The following HUWE1 variants were observed in gnomAD, a reference collection of about 807,000 sequenced individuals.
The protein encoded by HUWE1 is HECT, UBA and WWE domain containing E3 ubiquitin protein ligase 1, also known as E3 ubiquitin-protein ligase HUWE1.
In HUWE1, 18 loss-of-function variants were observed where a neutral mutation model predicts 299.4. The observed-to-expected ratio is 0.06, with a 90% CI of 0.04 to 0.09. The LOEUF is 0.09. HUWE1 is among the 10% of genes least tolerant of loss of function. HUWE1 has a pLI of 1.00. For synonymous variants in HUWE1, 1,317 were observed against 1,286.1 expected, an observed-to-expected ratio of 1.02 and a Z score of -0.51; for missense variants, 1,832 against 3,462.3, an observed-to-expected ratio of 0.53 and a Z score of 11.82.
intron 40 of HUWE1, among the ~76,000 whole-genome samples, chrX:53,584,555 A>G (rs2063770072): frequency 1.8e-5 from 2 of 111,530 alleles, no homozygotes; most frequent in Non-Finnish European, 3.8e-5. Flanking sequence ...AGACCTTCCA[A>G]CAGAGCAAAT....
chrX:53,539,825 C>T lies in HUWE1; in HGVS notation c.11477-13G>A. 8.3e-7 allele frequency: 1 copy of T among 1,201,880 alleles called. No individual in the cohort carries two copies. The highest frequency in any genetic ancestry group is 1.8e-5 in the South Asian group (1 of 55,581). Reference sequence around the variant, plus strand: ...GTTCCATCGGAGGCTGGAGGGCACACAGAAGAGAGTCAGAAAGTCTTCAAA... The same window carrying T: ...GTTCCATCGGAGGCTGGAGGGCACATAGAAGAGAGTCAGAAAGTCTTCAAA... On this transcript the variant is annotated splice_polypyrimidine_tract_variant and intron_variant, in intron 74 of 83. Transcript: ENST00000262854.
At position 53,614,631 on chromosome X, in the gene HUWE1, C is replaced by T. The variant is rs782587959; in HGVS notation, c.2164G>A (p.Ala722Thr). The change falls in exon 23 of 84, where the codon GCA (alanine) becomes ACA (threonine). Residue 722 changes from alanine (A) to threonine (T), a missense_variant. Transcript: ENST00000262854. ...TCATCCTCACTAGAGGCTTCTTCTG[C>T]GGCATGATTAGACCTTGGGGGAGGA... is the stretch of plus-strand genomic sequence containing the variant. ...TAPPPRSNHAAEEASSEDEEE... is the reference protein window; with the variant it reads ...TAPPPRSNHATEEASSEDEEE... The T allele has an allele frequency of 1.7e-6, 2 of 1,208,510 alleles. No homozygotes were observed. The highest frequency in any genetic ancestry group is 1.8e-5 in the South Asian group (1 of 56,881).
At chrX:53,656,404 T>C (rs139113402) in intron 3 of HUWE1, among the ~76,000 whole-genome samples, 1 of 105,221 alleles carries the variant, frequency 9.5e-6, no homozygotes, top group African/African-American at 3.5e-5. Flanking sequence ...TAGCCAGGCG[T>C]GGTGGCGAGC....
In HUWE1 at chrX:53,549,254, G is replaced by T; in HGVS notation, c.9740C>A (p.Thr3247Lys). 8.3e-7 allele frequency: 1 copy of T among 1,211,687 alleles called. No homozygotes were observed. Among genetic ancestry groups the T allele is most frequent in the Non-Finnish European group, 1.1e-6 (1 of 895,422 alleles). ...CGACTTTTTGCCCTTTTCCTCACTTGTAGTGAGTTTGGGTGTTTCAATGCA... is the reference window on the plus strand; with the variant it reads ...CGACTTTTTGCCCTTTTCCTCACTTTTAGTGAGTTTGGGTGTTTCAATGCA... ...ELCIETPKLT[T>K]SEEKGKKSSK... Residue 3247 changes from threonine (T) to lysine (K), a missense_variant, in exon 67 of 84, where the codon ACA becomes AAA. By Grantham distance (78) the Thr-to-Lys change is moderately conservative. This residue lies in a region of HUWE1 where 80 missense variants were observed against 142.1 expected (regional missense o/e 0.56). Transcript: ENST00000262854.
intron 49 of HUWE1, among the ~76,000 whole-genome samples, chrX:53,567,341 T>G (rs1569451330): frequency 1.0e-5 from 1 of 98,712 alleles, no homozygotes; most frequent in Admixed American, 1.1e-4. Flanking sequence ...AAAGGACAAT[T>G]TAGTCATCTT....
intron 43 of HUWE1, among the ~76,000 whole-genome samples, chrX:53,578,287 G>C (rs1352871615): frequency 2.8e-5 from 3 of 106,710 alleles, no homozygotes; most frequent in Non-Finnish European, 5.9e-5. Context: ...CCCTCCGTCC[G>C]GCAGCCACCC....
chrX:53,534,313 T>G, intron 82 of HUWE1, 116 bp from the exon 83 acceptor site: 1 of 733,730 alleles, frequency 1.4e-6, no homozygotes, highest in Non-Finnish European at 2.1e-6. Context: ...GTCCCTTCTG[T>G]GGGATGAGCT....
At chrX:53,665,331 C>A (rs1248256570) in intron 3 of HUWE1, among the ~76,000 whole-genome samples, 2 of 112,122 alleles carry the variant, frequency 1.8e-5, no homozygotes, top group Non-Finnish European at 3.8e-5. Flanking sequence ...GCAGAAATAC[C>A]TTGAAGGAGT....
intron 3 of HUWE1, among the ~76,000 whole-genome samples, chrX:53,663,387 T>G (rs983495673): frequency 5.4e-5 from 6 of 111,288 alleles, no homozygotes; most frequent in Non-Finnish European, 1.1e-4. Context: ...GTGGCGCATG[T>G]CTGTAATCCC....
Position 53,552,387 on chromosome X carries a change from A to C in HUWE1, c.8805T>G (p.Ile2935Met). 8.3e-7 allele frequency: 1 copy of C among 1,211,088 alleles called. No individual in the cohort carries two copies. The highest frequency in any genetic ancestry group is 1.1e-6 in the Non-Finnish European group (1 of 895,062). The change falls in exon 63 of 84, where the codon ATT becomes ATG. Residue 2935 changes from isoleucine to methionine, a missense_variant. By Grantham distance (10) the Ile-to-Met change is conservative (BLOSUM62 1). This residue lies in a region of HUWE1 where 91 missense variants were observed against 281.2 expected (regional missense o/e 0.32). Transcript: ENST00000262854. Reference protein sequence around the residue: ...SSSTRDSAVAISGADSRGILE... With the variant: ...SSSTRDSAVAMSGADSRGILE... ...GGATTCCTCGGGAATCTGCTCCAGA[A>C]ATGGCCACGGCAGAATCTCTGGTGG...
intron 76 of HUWE1, among the ~76,000 whole-genome samples, 158 bp downstream of exon 76, chrX:53,538,677 C>T (rs1210083479): frequency 9.6e-6 from 1 of 104,068 alleles, no homozygotes. Flanking sequence ...GCAGGGTTTA[C>T]GTGCACGGGT....
intron 42 of HUWE1, among the ~76,000 whole-genome samples, 193 bp downstream of exon 42, chrX:53,583,365 A>ATT (rs2063717770): frequency 9.0e-6 from 1 of 110,725 alleles, no homozygotes; most frequent in African/African-American, 3.3e-5. Context: ...AGGACTTTCT[A>ATT]GCAATAGGAT....
Position 53,561,299 on chromosome X carries a change from G to A in HUWE1, c.7507+457C>T, listed in dbSNP as rs144696315. Among the ~76,000 whole-genome samples, 34 of 111,988 alleles carry A rather than the reference G, an allele frequency of 3.0e-4. No individual in the cohort carries two copies. The South Asian group carries it at 6.0e-3, about 20-fold the overall frequency. On this transcript the variant is annotated intron_variant, in intron 55 of 83. Transcript: ENST00000262854. ...TGATGGGGGAGGAAGAGATTCACTC[G>A]TTCTCCCGAAAAGACGCATCCTGGA...
At chrX:53,536,054 T>A (rs1367525553) in intron 80 of HUWE1, 93 bp downstream of exon 80, 2 of 551,412 alleles carry the variant, frequency 3.6e-6, no homozygotes, top group African/African-American at 2.3e-5. Flanking sequence ...CTTAGAACTA[T>A]GAGAAGGTCA....
At chrX:53,535,652 C>T in intron 80 of HUWE1, 151 bp from the exon 81 acceptor site, 1 of 504,197 alleles carries the variant, frequency 2.0e-6, no homozygotes, top group Non-Finnish European at 3.6e-6. Context: ...CTACTCATAG[C>T]TCGCAACTCC....
At chrX:53,602,763 C>T in intron 27 of HUWE1, 105 bp from the exon 28 acceptor site, 1 of 443,327 alleles carries the variant, frequency 2.3e-6, no homozygotes, top group Non-Finnish European at 3.9e-6. Context: ...TGACACTATC[C>T]CTCCTATAGC....
chrX:53,538,950 G>C lies in HUWE1; in HGVS notation c.11763C>G (p.Ala3921=). Residue 3921 remains alanine, a synonymous_variant, in exon 76 of 84, where the codon GCC becomes GCG. Coordinates refer to ENST00000262854, the MANE Select transcript of HUWE1 (RefSeq NM_031407.7). ...IKDEPPPLSP[A]PLTPATPSSL... is the part of the protein sequence containing the mutation. ...AGGAAGGCGTGGCTGGGGTTAAGGG[G>C]GCAGGGGAGAGTGGAGGAGGCTCGT... 1 of 1,209,246 alleles carries C rather than the reference G, an allele frequency of 8.3e-7. No homozygotes were observed. Among genetic ancestry groups the C allele is most frequent in the Non-Finnish European group, 1.1e-6 (1 of 894,563 alleles).
At chrX:53,658,823 G>A (rs73210437) in intron 3 of HUWE1, among the ~76,000 whole-genome samples, 2,238 of 112,373 alleles carry the variant, frequency 0.02, 35 homozygotes, top group Middle Eastern at 0.032. Context: ...ACATACAAAG[G>A]ACTGTTACCC....
chrX:53,607,083 GAA>G (rs1162656626), intron 25 of HUWE1, among the ~76,000 whole-genome samples: 1 of 111,254 alleles, frequency 9.0e-6, no homozygotes, highest in Non-Finnish European at 1.9e-5. Flanking sequence ...GAAAAGGGGG[GAA>G]TTAAGTATCG....
Sources: allele counts gnomAD v4.1 joint callset (sites outside exome capture counted in the v4.1 genomes callset), GRCh38; gene constraint gnomAD v4.1.1; regional missense constraint gnomAD v4.1.1; transcripts MANE v1.5; gene names NCBI Gene and HGNC (gene_info 2026-07-23, HGNC 2026-07-21).